Variants in PCLO observed in about 807,000 individuals in gnomAD.
PCLO encodes the protein protein piccolo.
Under a neutral mutation model 427.5 loss-of-function variants are expected in PCLO, and 82 were observed. The ratio of observed to expected loss-of-function variants is 0.19; its 90% confidence interval spans 0.16 to 0.23. The LOEUF (loss-of-function observed/expected upper bound fraction) is 0.23, where lower values mean the gene tolerates loss of function less well. Among genes scored for constraint, PCLO ranks in the 10% least tolerant of loss-of-function variants. The pLI is 1.00. For missense variants in PCLO, 6,239 were observed against 6,115.9 expected (o/e 1.02, Z -0.67); for synonymous variants, 2,357 against 2,155.4 (o/e 1.09, Z -2.59).
chr7:83,009,432 T>C (rs1788025387), intron 3 of PCLO, among the ~76,000 whole-genome samples: 1 of 151,888 alleles, frequency 6.6e-6, no homozygotes, highest in African/African-American at 2.4e-5. Context: ...AGATTTCCAA[T>C]TTCTATTTAA....
chr7:82,992,749 TAAAGTA>T (rs1796406761), intron 3 of PCLO, among the ~76,000 whole-genome samples: 1 of 151,932 alleles, frequency 6.6e-6, no homozygotes, highest in Admixed American at 6.6e-5. Context: ...TCCCAGAAGT[TAAAGTA>T]AAAGAAAAAA....
rs1790474598 is a variant in PCLO, at chr7:82,763,623, G to A, written c.15008-2130C>T. Among the ~76,000 whole-genome samples, 3 of 151,974 alleles carry A rather than the reference G, an allele frequency of 2.0e-5. No homozygotes were observed. In the South Asian group the frequency reaches 6.2e-4, roughly 31 times the overall value. ...GTTTGATGAAATTAGCTTAAAATTT[G>A]TAAGTCCAGATATACCCTTACATGT... On this transcript the variant is annotated intron_variant, in intron 22 of 24. Coordinates refer to ENST00000333891, the MANE Select transcript of PCLO (RefSeq NM_033026.6).
intron 3 of PCLO, among the ~76,000 whole-genome samples, chr7:83,085,840 A>G (rs1790217895): frequency 6.6e-6 from 1 of 152,072 alleles, no homozygotes; most frequent in Non-Finnish European, 1.5e-5. Context: ...CCCAGATAAA[A>G]TTTTCATTTG....
At chr7:82,848,480 T>C (rs1437371395) in intron 10 of PCLO, among the ~76,000 whole-genome samples, 1 of 151,530 alleles carries the variant, frequency 6.6e-6, no homozygotes, top group Non-Finnish European at 1.5e-5. Flanking sequence ...CTGGCTAATT[T>C]TTGTATTTTT....
At chr7:82,822,096 C>CTTTT (rs11394716) in intron 20 of PCLO, 5 of 914,488 alleles carry the variant, frequency 5.5e-6, no homozygotes, top group South Asian at 8.6e-5. Flanking sequence ...TATGTGTGCA[C>CTTTT]TTTTTTTTTT....
chr7:82,919,214 T>C (rs1236662758), intron 6 of PCLO, among the ~76,000 whole-genome samples: 1 of 151,988 alleles, frequency 6.6e-6, no homozygotes, highest in African/African-American at 2.4e-5. Context: ...TCTGCACATG[T>C]ATCCCAGAAC....
chr7:82,922,042 C>G (rs181132742), intron 6 of PCLO, among the ~76,000 whole-genome samples: 1 of 151,928 alleles, frequency 6.6e-6, no homozygotes, highest in Non-Finnish European at 1.5e-5. Context: ...CATCCTACAC[C>G]AGTCAGAATG....
intron 3 of PCLO, among the ~76,000 whole-genome samples, chr7:83,041,046 A>T (rs1473255453): frequency 6.6e-6 from 1 of 152,198 alleles, no homozygotes; most frequent in East Asian, 1.9e-4. Context: ...GACAAAACAT[A>T]ATTATTTTGT....
intron 3 of PCLO, among the ~76,000 whole-genome samples, chr7:82,983,902 C>G (rs944034084): frequency 2.0e-5 from 3 of 151,778 alleles, no homozygotes; most frequent in Non-Finnish European, 2.9e-5. Context: ...TAGGGCTAAC[C>G]TCAAAACATG....
Position 83,134,301 on chromosome 7 carries a change from C to A in PCLO, c.3249G>T (p.Lys1083Asn), listed in dbSNP as rs774644477. ...PPNFNTCTEC[K>N]NQVCNLCGFN... ...ATCCACAGAGATTACACACTTGATT[C>A]TTGCATTCAGTGCAAGTATTGAAGT... The change falls in exon 3 of 25, where the codon AAG (lysine) becomes AAT (asparagine). Residue 1083 changes from lysine to asparagine, a missense_variant. Lys to Asn is a moderately conservative substitution (Grantham distance 94). Around this residue, in one of 5 missense-constraint regions of PCLO, gnomAD observed 4,677 missense variants for 4,468.4 expected, o/e 1.05. Transcript: ENST00000333891. The A allele has an allele frequency of 2.5e-6, 4 of 1,588,770 alleles. No homozygotes were observed.
At chr7:82,795,410 TG>T (rs1186285819) in intron 22 of PCLO, among the ~76,000 whole-genome samples, 1 of 152,194 alleles carries the variant, frequency 6.6e-6, no homozygotes, top group Non-Finnish European at 1.5e-5. Flanking sequence ...GCACCTGTAA[TG>T]TAAATGGTGT....
intron 3 of PCLO, among the ~76,000 whole-genome samples, chr7:83,111,631 C>G (rs1434363378): frequency 1.3e-5 from 2 of 152,144 alleles, no homozygotes; most frequent in African/African-American, 4.8e-5. Flanking sequence ...CTAATTCTGC[C>G]AACAACCTGA....
rs200999253 is a variant in PCLO at position 83,135,391 on chromosome 7, G to T, written c.2159C>A (p.Ala720Asp). The T allele has an allele frequency of 6.2e-7, 1 of 1,613,796 alleles. No homozygotes were observed. The highest frequency in any genetic ancestry group is 1.7e-5 in the Admixed American group (1 of 59,996). ...PTLHGSPSAKAKQPPEADSLS... is the reference protein window; with the variant it reads ...PTLHGSPSAKDKQPPEADSLS... ...AGAATCTGCCTCAGGGGGCTGCTTG[G>T]CCTTGGCTGAAGGAGAGCCATGAAG... The change falls in exon 3 of 25, where the codon GCC becomes GAC. Residue 720 changes from alanine (A) to aspartate (D), a missense_variant. Transcript: ENST00000333891.
At chr7:82,851,026 G>T (rs1792640026) in intron 10 of PCLO, among the ~76,000 whole-genome samples, 1 of 152,060 alleles carries the variant, frequency 6.6e-6, no homozygotes. Context: ...GCTATGTGTT[G>T]ATTGGAATGT....
chr7:82,760,940 T>C (rs1170774597), intron 23 of PCLO, among the ~76,000 whole-genome samples, 156 bp from the exon 24 acceptor site: 8 of 139,236 alleles, frequency 5.7e-5, no homozygotes, highest in African/African-American at 2.1e-4. Flanking sequence ...TTAAAAGATA[T>C]GTCTTTTTTT....
chr7:83,064,956 T>C (rs896897160), intron 3 of PCLO, among the ~76,000 whole-genome samples: 6 of 152,132 alleles, frequency 3.9e-5, no homozygotes, highest in African/African-American at 1.4e-4. Context: ...TAGAATACTA[T>C]TGCCTTGCCC....
rs925688257 is a variant in PCLO at position 82,794,364 on chromosome 7, GT to G, written c.15007+7153del. Among the ~76,000 whole-genome samples the G allele has an allele frequency of 2.3e-5, 3 of 132,942 alleles. No individual in the cohort carries two copies. The Admixed American group carries it at 2.3e-4, about 10-fold the overall frequency. The allele number at this position is 132,942 out of a possible 152,430, so 87.2% of individuals were successfully genotyped here. A position where few individuals can be genotyped will look rare whatever the true frequency, so the allele number is the denominator to read the frequency against. ...AGCCTGATAGGTTAATCACTTAATT[GT>G]TTTTTAATAATTATAAGTTTTTTTG... On this transcript the variant is annotated intron_variant, in intron 22 of 24. Coordinates refer to ENST00000333891, the MANE Select transcript of PCLO (RefSeq NM_033026.6).
rs779193106 is a variant in PCLO at position 82,914,736 on chromosome 7, T to C, written c.13250A>G (p.Asp4417Gly). Residue 4417 changes from aspartate (D) to glycine (G), a missense_variant, in exon 7 of 25, where the codon GAC becomes GGC. This residue lies in a region of PCLO where 877 missense variants were observed against 925.5 expected (regional missense o/e 0.95). Transcript: ENST00000333891. ...EESRTRGYDR[D>G]IAFIMDDFQH... ...GAAGTCATCCATGATGAATGCTATG[T>C]CACGGTCATAGCCTCGAGTCCGTGA... 1 of 1,613,142 alleles carries C rather than the reference T, an allele frequency of 6.2e-7. No individual in the cohort carries two copies.
intron 6 of PCLO, among the ~76,000 whole-genome samples, chr7:82,931,552 T>C (rs1042628317): frequency 6.6e-6 from 1 of 152,136 alleles, no homozygotes; most frequent in Non-Finnish European, 1.5e-5. Context: ...ACTTCTAAGC[T>C]CACTCATGTG....
Sources: gnomAD v4.1 joint callset for allele counts (sites outside exome capture counted in the v4.1 genomes callset) on GRCh38, gnomAD v4.1.1 for gene constraint, gnomAD v4.1.1 regional missense constraint, MANE v1.5 for transcripts, NCBI Gene and HGNC (gene_info 2026-07-23, HGNC 2026-07-21) for gene names.